The following GFPT2 variants were observed in gnomAD, a reference collection of about 807,000 sequenced individuals.
GFPT2 encodes the protein glutamine--fructose-6-phosphate transaminase 2.
GFPT2 carries 62 observed loss-of-function variants against 85.6 expected under a neutral mutation model. That is an observed-to-expected ratio of 0.72 (90% CI 0.59 to 0.90). GFPT2 has a LOEUF of 0.90. GFPT2 is among the 40% of genes least tolerant of loss of function. GFPT2 has a pLI of 0.00. For synonymous variants in GFPT2, 368 were observed against 344.5 expected (o/e 1.07, Z -0.75); for missense variants, 788 against 893.4 (o/e 0.88, Z 1.50).
Position 180,353,292 on chromosome 5 carries a change from CCTCCGTGGG to C in GFPT2, c.-84_-76del, listed in dbSNP as rs199818683. On this transcript the variant is annotated 5_prime_UTR_variant, in exon 1 of 19. Transcript: ENST00000253778. The stretch of plus-strand genomic sequence containing the variant: ...GGACGCTGGGGCTCCTCCGTGGGCT[CCTCCGTGGG>C]CTCCGTGGGCTCCGTGGGCTCCGCG... 0.4 allele frequency: 375,514 copies of C among 948,072 alleles called. 86,813 individuals are homozygous for C. The highest frequency in any genetic ancestry group is 0.53 in the African/African-American group (29,739 of 55,748). The allele number at this position is 948,072 out of a possible 1,614,324, so 58.7% of individuals were successfully genotyped here. A position where few individuals can be genotyped will look rare whatever the true frequency, so the allele number is the denominator to read the frequency against.
At chr5:180,315,723 G>A (rs570758347) in intron 13 of GFPT2, among the ~76,000 whole-genome samples, 32 of 152,328 alleles carry the variant, frequency 2.1e-4, no homozygotes, top group Middle Eastern at 3.4e-3. Context: ...CGAGCTCAAG[G>A]AGACTCCAAG....
At chr5:180,332,293 C>G (rs71613450) in intron 4 of GFPT2, among the ~76,000 whole-genome samples, 1 of 152,120 alleles carries the variant, frequency 6.6e-6, no homozygotes, top group African/African-American at 2.4e-5. Flanking sequence ...ATGTCTGCCT[C>G]CACCCCACTG....
At chr5:180,313,730 G>A (rs1763945315) in intron 14 of GFPT2, 77 bp downstream of exon 14, 1 of 1,329,934 alleles carries the variant, frequency 7.5e-7, no homozygotes, top group South Asian at 1.4e-5. Flanking sequence ...GGGCAGAGCA[G>A]GCCGGAGGAG....
chr5:180,306,205 G>A (rs181997712), intron 16 of GFPT2, among the ~76,000 whole-genome samples: 2 of 151,976 alleles, frequency 1.3e-5, no homozygotes, highest in African/African-American at 2.4e-5. Context: ...GGCTGGTCTC[G>A]AACTCCTGAC....
intron 1 of GFPT2, among the ~76,000 whole-genome samples, chr5:180,348,254 G>A (rs1217243862): frequency 6.6e-6 from 1 of 152,244 alleles, no homozygotes; most frequent in African/African-American, 2.4e-5. Flanking sequence ...ATGAGGGCTC[G>A]TGAAATTCCC....
chr5:180,311,592 AC>A (rs1396446625), intron 15 of GFPT2, among the ~76,000 whole-genome samples: 9 of 152,174 alleles, frequency 5.9e-5, no homozygotes, highest in Non-Finnish European at 1.2e-4. Context: ...CTTACTGAGC[AC>A]CTACTGTATG....
intron 14 of GFPT2, among the ~76,000 whole-genome samples, chr5:180,313,511 A>T (rs1351654344): frequency 6.6e-6 from 1 of 151,188 alleles, no homozygotes; most frequent in Non-Finnish European, 1.5e-5. Context: ...AATGGCGTGA[A>T]CCCGGGAGGC....
chr5:180,338,634 A>G (rs770109146), intron 1 of GFPT2, 34 bp from the exon 2 acceptor site: 3 of 1,280,074 alleles, frequency 2.3e-6, no homozygotes, highest in Non-Finnish European at 2.3e-6. Context: ...GCATTCATAA[A>G]ATACTCAGCT....
intron 7 of GFPT2, among the ~76,000 whole-genome samples, 168 bp from the exon 8 acceptor site, chr5:180,325,063 C>T (rs954219565): frequency 2.6e-5 from 4 of 152,188 alleles, no homozygotes; most frequent in African/African-American, 9.6e-5. Context: ...GAAAGGCCAG[C>T]TCCTGAGTCC....
chr5:180,304,220 C>A (rs1195802947), intron 17 of GFPT2, among the ~76,000 whole-genome samples: 1 of 152,176 alleles, frequency 6.6e-6, no homozygotes, highest in Non-Finnish European at 1.5e-5. Flanking sequence ...TGATTTATAT[C>A]TTTTATAATA....
At chr5:180,303,004 T>C (rs2080955) in intron 17 of GFPT2, among the ~76,000 whole-genome samples, 99,219 of 149,960 alleles carry the variant, frequency 0.66, 33,179 homozygotes, top group East Asian at 0.92. Context: ...CTGAGGCGGG[T>C]GGATCACGAG....
chr5:180,301,528 A>T lies in GFPT2; in HGVS notation c.*36T>A. 6.4e-7 allele frequency: 1 copy of T among 1,566,556 alleles called. No individual in the cohort carries two copies. The highest frequency in any genetic ancestry group is 8.8e-7 in the Non-Finnish European group (1 of 1,136,452). On this transcript the variant is annotated 3_prime_UTR_variant, in exon 19 of 19. Coordinates refer to ENST00000253778, the MANE Select transcript of GFPT2 (RefSeq NM_005110.4). ...GCTGTTGGGACAGGTCTGGAATCAG[A>T]TGAAAGGTGGTGATGGTCTTGTCAC...
intron 1 of GFPT2, among the ~76,000 whole-genome samples, chr5:180,344,847 G>C (rs1764577587): frequency 1.3e-5 from 2 of 152,316 alleles, no homozygotes; most frequent in South Asian, 2.1e-4. Flanking sequence ...CCCTGGAAGA[G>C]CAACGGCCAT....
At chr5:180,339,146 G>A (rs190761189) in intron 1 of GFPT2, among the ~76,000 whole-genome samples, 33 of 152,232 alleles carry the variant, frequency 2.2e-4, no homozygotes, top group Admixed American at 1.9e-3. Flanking sequence ...TTGGGAGGCC[G>A]AGGTGGGTGG....
chr5:180,302,331 T>TATGACTATTTACTCC, intron 18 of GFPT2, 92 bp downstream of exon 18: 3 of 870,134 alleles, frequency 3.4e-6, no homozygotes, highest in South Asian at 3.5e-5. Context: ...TTATTTACTC[T>TATGACTATTTACTCC]ATGACTATTT....
chr5:180,308,791 TC>T (rs1242462122), intron 15 of GFPT2, among the ~76,000 whole-genome samples: 3 of 152,214 alleles, frequency 2.0e-5, no homozygotes, highest in Non-Finnish European at 4.4e-5. Flanking sequence ...GGTATGTAAA[TC>T]TTCTTAAAAT....
chr5:180,352,328 T>G, intron 1 of GFPT2: 1 of 372,810 alleles, frequency 2.7e-6, no homozygotes, highest in African/African-American at 3.0e-5. Flanking sequence ...GGTAACCGAA[T>G]CCTACTCAAG....
At chr5:180,339,258 T>C (rs953617207) in intron 1 of GFPT2, among the ~76,000 whole-genome samples, 1 of 151,518 alleles carries the variant, frequency 6.6e-6, no homozygotes, top group African/African-American at 2.4e-5. Flanking sequence ...TGTGTGCCTC[T>C]AACCCCAGCT....
chr5:180,331,964 C>T (rs931800008), intron 4 of GFPT2, among the ~76,000 whole-genome samples: 3 of 152,188 alleles, frequency 2.0e-5, no homozygotes, highest in African/African-American at 7.2e-5. Flanking sequence ...ACAAAGAGGT[C>T]GCAAAGAACA....
Sources: allele counts gnomAD v4.1 joint callset (sites outside exome capture counted in the v4.1 genomes callset), GRCh38; gene constraint gnomAD v4.1.1; transcripts MANE v1.5; gene names NCBI Gene and HGNC (gene_info 2026-07-23, HGNC 2026-07-21).